The following DOCK2 variants were observed in gnomAD, a reference collection of about 807,000 sequenced individuals.
DOCK2 encodes dedicator of cytokinesis protein 2.
DOCK2 carries 87 observed loss-of-function variants against 248.9 expected under a neutral mutation model. The observed-to-expected ratio is 0.35, with a 90% CI of 0.29 to 0.42. The LOEUF is 0.42. Ranked by LOEUF, DOCK2 falls within the 10% of genes least tolerant of loss-of-function variation. The pLI is 1.00. For missense variants in DOCK2, 1,747 were observed against 2,300.2 expected, an observed-to-expected ratio of 0.76 and a Z score of 4.92; for synonymous variants, 805 against 821.6, an observed-to-expected ratio of 0.98 and a Z score of 0.35.
intron 22 of DOCK2, among the ~76,000 whole-genome samples, chr5:169,724,042 A>G (rs76306620): frequency 0.015 from 2,254 of 152,284 alleles, 63 homozygotes; most frequent in East Asian, 0.08. Context: ...AATATAGCAG[A>G]GTGAGGCTTT....
intron 27 of DOCK2, chr5:169,934,889 T>C: frequency 2.8e-6 from 1 of 355,516 alleles, no homozygotes; most frequent in Non-Finnish European, 5.6e-6. Context: ...CACCTTACAC[T>C]TGATATTTAT....
chr5:169,850,796 G>A (rs1055211602), intron 27 of DOCK2, among the ~76,000 whole-genome samples: 2 of 152,204 alleles, frequency 1.3e-5, no homozygotes, highest in South Asian at 4.1e-4. Context: ...CTGGACGGAA[G>A]TCATTTATCA....
rs1764576480 is a variant in DOCK2 at position 169,763,018 on chromosome 5, G to A, written c.2554+1393G>A. ...AGAGTTAAGGGTAGGAGGAGGATGTGGGGATGAAAATGTTCTTGTGATTTT... is the reference window on the plus strand; with the variant it reads ...AGAGTTAAGGGTAGGAGGAGGATGTAGGGATGAAAATGTTCTTGTGATTTT... On this transcript the variant is annotated intron_variant, in intron 25 of 51. Coordinates refer to ENST00000520908, the MANE Select transcript of DOCK2 (RefSeq NM_004946.3). This position sits in a 1 kb window ranked among gnomAD's most constrained non-coding sequence, Gnocchi z 4.1. 6.6e-6 allele frequency among the ~76,000 whole-genome samples: 1 copy of A among 152,212 alleles called. No homozygotes were observed. The highest frequency in any genetic ancestry group is 6.5e-5 in the Admixed American group (1 of 15,290).
intron 2 of DOCK2, among the ~76,000 whole-genome samples, chr5:169,659,933 A>G (rs576788370): frequency 1.2e-4 from 18 of 152,182 alleles, no homozygotes; most frequent in Non-Finnish European, 2.5e-4. Context: ...GAAGACTTCA[A>G]TCTCATATAT....
chr5:170,039,643 G>T (rs1756447092), intron 36 of DOCK2, among the ~76,000 whole-genome samples: 1 of 152,170 alleles, frequency 6.6e-6, no homozygotes. Context: ...GCCTACATTT[G>T]ACCCACTGAC....
chr5:170,021,828 A>G (rs1755738842), intron 33 of DOCK2, among the ~76,000 whole-genome samples: 1 of 152,110 alleles, frequency 6.6e-6, no homozygotes, highest in African/African-American at 2.4e-5. Flanking sequence ...TGTCTCCAGG[A>G]AAGGGAGGTG....
chr5:169,731,835 T>G (rs1762790991), intron 22 of DOCK2, among the ~76,000 whole-genome samples: 1 of 151,972 alleles, frequency 6.6e-6, no homozygotes, highest in Non-Finnish European at 1.5e-5. Context: ...TTGCCTATAT[T>G]TGGGGCCTGG....
intron 22 of DOCK2, among the ~76,000 whole-genome samples, chr5:169,732,331 C>G (rs571137493): frequency 1.3e-5 from 2 of 152,230 alleles, no homozygotes; most frequent in South Asian, 4.2e-4. Context: ...TCTGGAGGTC[C>G]TAAATGCTTT....
intron 30 of DOCK2, among the ~76,000 whole-genome samples, chr5:170,005,805 A>C (rs1755014066): frequency 1.3e-5 from 2 of 152,162 alleles, no homozygotes; most frequent in South Asian, 4.1e-4. Flanking sequence ...TGATGGATTC[A>C]TTCAGGGTAG....
At chr5:169,827,282 G>T (rs1581249916) in intron 26 of DOCK2, among the ~76,000 whole-genome samples, 1 of 152,122 alleles carries the variant, frequency 6.6e-6, no homozygotes, top group East Asian at 1.9e-4. Context: ...TAGGGCAGGG[G>T]GTTGGAGAGG....
intron 40 of DOCK2, among the ~76,000 whole-genome samples, chr5:170,048,644 C>G (rs1756802235): frequency 1.3e-5 from 2 of 152,176 alleles, no homozygotes; most frequent in Non-Finnish European, 2.9e-5. Flanking sequence ...ATCGTACACT[C>G]ATGGGAGAAT....
At chr5:169,723,060 C>G (rs781758098) in intron 22 of DOCK2, among the ~76,000 whole-genome samples, 7 of 152,172 alleles carry the variant, frequency 4.6e-5, no homozygotes, top group Non-Finnish European at 7.3e-5. Flanking sequence ...AGCTGTGGTG[C>G]CCGGGTCTCT....
chr5:169,787,832 C>T (rs1398821412), intron 25 of DOCK2, among the ~76,000 whole-genome samples: 2 of 149,724 alleles, frequency 1.3e-5, no homozygotes, highest in African/African-American at 4.9e-5. Flanking sequence ...CATTCTTCCT[C>T]TCTTTTTTCT....
intron 15 of DOCK2, among the ~76,000 whole-genome samples, chr5:169,709,741 G>C (rs754927061): frequency 6.6e-6 from 1 of 151,944 alleles, no homozygotes; most frequent in Non-Finnish European, 1.5e-5. Flanking sequence ...AAATTCATAC[G>C]TTAAATGTAT....
chr5:169,862,784 C>G (rs535908345), intron 27 of DOCK2, among the ~76,000 whole-genome samples: 1 of 152,158 alleles, frequency 6.6e-6, no homozygotes, highest in Non-Finnish European at 1.5e-5. Flanking sequence ...AAGGTGAAAC[C>G]ATCGGAGTGG....
rs77914290 is a variant in DOCK2 at position 169,918,077 on chromosome 5, T to C, written c.2800-64991T>C. Among the ~76,000 whole-genome samples the C allele has an allele frequency of 8.6e-3, 1,311 of 152,288 alleles. 22 individuals are homozygous for C. Among genetic ancestry groups the C allele is most frequent in the African/African-American group, 0.03 (1,259 of 41,562 alleles). On this transcript the variant is annotated intron_variant, in intron 27 of 51. Transcript: ENST00000520908. ...AACTTCTGATATTCTACCCTTCCTATTTTGGGGGAAAAAGTCAAACCTTAG... is the reference window on the plus strand; with the variant it reads ...AACTTCTGATATTCTACCCTTCCTACTTTGGGGGAAAAAGTCAAACCTTAG...
chr5:170,062,475 A>G (rs1306454983), intron 44 of DOCK2, among the ~76,000 whole-genome samples: 2 of 152,122 alleles, frequency 1.3e-5, no homozygotes, highest in African/African-American at 2.4e-5. Flanking sequence ...ACACTCAGGC[A>G]TGCACCCTGC....
chr5:169,682,326 C>G (rs371575323), intron 7 of DOCK2, among the ~76,000 whole-genome samples: 1 of 152,230 alleles, frequency 6.6e-6, no homozygotes, highest in Non-Finnish European at 1.5e-5. Flanking sequence ...GGCACCAGGC[C>G]TGGGATGATC....
chr5:169,852,180 G>A (rs190656010), intron 27 of DOCK2, among the ~76,000 whole-genome samples: 12 of 152,130 alleles, frequency 7.9e-5, no homozygotes, highest in African/African-American at 2.7e-4. Flanking sequence ...AAATCCTAAT[G>A]AAATTACCTC....
Sources: gnomAD v4.1 joint callset for allele counts (sites outside exome capture counted in the v4.1 genomes callset) on GRCh38, gnomAD v4.1.1 for gene constraint, Gnocchi (gnomAD v3.1) non-coding constraint, MANE v1.5 for transcripts, NCBI Gene and HGNC (gene_info 2026-07-23, HGNC 2026-07-21) for gene names.